RGL1: variants seen among roughly 807,000 people sequenced by gnomAD.
RGL1 encodes ral guanine nucleotide dissociation stimulator-like 1.
A neutral mutation model predicts 95.2 loss-of-function variants in RGL1; 24 were observed. The observed-to-expected ratio is 0.25, with a 90% CI of 0.18 to 0.35. RGL1 has a LOEUF of 0.35. Among genes scored for constraint, RGL1 ranks in the 10% least tolerant of loss-of-function variants. The pLI is 1.00. For synonymous variants in RGL1, 329 were observed against 344.9 expected (o/e 0.95, Z 0.51); for missense variants, 715 against 936.3 (o/e 0.76, Z 3.08).
At chr1:183,880,917 T>C (rs1247378092) in intron 5 of RGL1, 117 bp downstream of exon 5, 1 of 866,966 alleles carries the variant, frequency 1.2e-6, no homozygotes, top group Non-Finnish European at 1.7e-6. Context: ...CAAAACAACA[T>C]GCTGCTGGAG....
Position 183,642,886 on chromosome 1 carries a change from A to T in RGL1, c.-33+6385A>T, listed in dbSNP as rs920291201. Among the ~76,000 whole-genome samples, 5 of 152,242 alleles carry T rather than the reference A, an allele frequency of 3.3e-5. No individual in the cohort carries two copies. The South Asian group carries it at 6.2e-4, about 19-fold the overall frequency. The stretch of plus-strand genomic sequence containing the variant: ...ACATTGTTGTACAACTATTACCAAC[A>T]TCCATCTCCAGACCTCTTTTCATCT... On this transcript the variant is annotated intron_variant, in intron 1 of 18. Transcript: ENST00000304685.
chr1:183,715,494 T>G (rs1655557029), intron 1 of RGL1, among the ~76,000 whole-genome samples: 1 of 114,468 alleles, frequency 8.7e-6, no homozygotes, highest in South Asian at 3.0e-4. Flanking sequence ...TTTGTTTCTT[T>G]TAGGTGTAAG....
At chr1:183,877,066 G>A (rs931888445) in intron 4 of RGL1, among the ~76,000 whole-genome samples, 2 of 152,134 alleles carry the variant, frequency 1.3e-5, no homozygotes, top group Non-Finnish European at 2.9e-5. Context: ...CAGAGAGGGG[G>A]GTCAGTGGAG....
rs61759898 is a variant in RGL1 at position 183,916,507 on chromosome 1, A to T, written c.1810A>T (p.Met604Leu). Residue 604 changes from methionine (M) to leucine (L), a missense_variant, in exon 16 of 18, where the codon ATG becomes TTG. This residue lies in a region of RGL1 where 330 missense variants were observed against 429.6 expected (regional missense o/e 0.77). Coordinates refer to ENST00000360851, the MANE Select transcript of RGL1 (RefSeq NM_001297671.3). ...IHSMDTNSSG[M>L]SSLINPLSSP... The stretch of plus-strand genomic sequence containing the variant: ...TTCCATGGACACAAATTCCTCAGGG[A>T]TGTCTTCCTTAATCAACCCCCTCTC... The T allele has an allele frequency of 2.5e-6, 4 of 1,612,664 alleles. No homozygotes were observed. Among genetic ancestry groups the T allele is most frequent in the East Asian group, 2.2e-5 (1 of 44,766 alleles).
intron 2 of RGL1, among the ~76,000 whole-genome samples, chr1:183,824,970 C>A (rs1157658993): frequency 4.6e-5 from 7 of 152,148 alleles, no homozygotes; most frequent in African/African-American, 1.2e-4. Flanking sequence ...TATGTCTGGA[C>A]TAATAGTTAT....
chr1:183,695,255 A>C (rs1654187755), intron 1 of RGL1, among the ~76,000 whole-genome samples: 1 of 152,168 alleles, frequency 6.6e-6, no homozygotes, highest in African/African-American at 2.4e-5. Flanking sequence ...CTATTATTTT[A>C]GATTCTTTTT....
chr1:183,805,251 A>G lies in RGL1; in HGVS notation c.-47A>G. On this transcript the variant is annotated 5_prime_UTR_variant, in exon 1 of 18. Transcript: ENST00000360851. Reference sequence around the variant, plus strand: ...CCAGCAGACATTGCGTTGGCCTCCGAGCAGGGCGCATCATGCAGCGTTCGC... The same window carrying G: ...CCAGCAGACATTGCGTTGGCCTCCGGGCAGGGCGCATCATGCAGCGTTCGC... The G allele has an allele frequency of 1.9e-6, 3 of 1,606,894 alleles. No individual in the cohort carries two copies. Among genetic ancestry groups the G allele is most frequent in the Non-Finnish European group, 2.5e-6 (3 of 1,177,266 alleles).
chr1:183,780,327 G>A (rs1659832619), intron 2 of RGL1, among the ~76,000 whole-genome samples: 1 of 152,178 alleles, frequency 6.6e-6, no homozygotes, highest in African/African-American at 2.4e-5. Flanking sequence ...TACAGGATGT[G>A]GCCATAAAGT....
chr1:183,712,068 A>G (rs1655315118), intron 1 of RGL1, among the ~76,000 whole-genome samples: 1 of 152,186 alleles, frequency 6.6e-6, no homozygotes, highest in Admixed American at 6.5e-5. Flanking sequence ...AAATTTGAAG[A>G]GCCATGGAAA....
intron 1 of RGL1, among the ~76,000 whole-genome samples, chr1:183,659,385 A>G (rs1651441185): frequency 6.6e-6 from 1 of 152,266 alleles, no homozygotes; most frequent in Admixed American, 6.5e-5. Context: ...GCTGAAAGCC[A>G]AGGCTCGAGA....
At chr1:183,664,863 C>A (rs1242467193) in intron 1 of RGL1, among the ~76,000 whole-genome samples, 1 of 150,142 alleles carries the variant, frequency 6.7e-6, no homozygotes, top group South Asian at 2.1e-4. Context: ...TCCTTTCCAA[C>A]CTGTATACTT....
chr1:183,879,859 T>C (rs1177888477), intron 4 of RGL1, among the ~76,000 whole-genome samples: 1 of 152,242 alleles, frequency 6.6e-6, no homozygotes, highest in Non-Finnish European at 1.5e-5. Context: ...ACTAACATAC[T>C]GGAGGGAGCT....
intron 2 of RGL1, among the ~76,000 whole-genome samples, chr1:183,795,468 G>A (rs1021528418): frequency 6.6e-6 from 1 of 152,212 alleles, no homozygotes; most frequent in East Asian, 1.9e-4. Flanking sequence ...AACAGGGAAG[G>A]ATGTCCCAAA....
chr1:183,793,316 C>T (rs113123423), intron 2 of RGL1, among the ~76,000 whole-genome samples: 27 of 152,198 alleles, frequency 1.8e-4, no homozygotes, highest in Non-Finnish European at 3.4e-4. Flanking sequence ...AACATAATTC[C>T]TAAGACTATA....
At chr1:183,912,054 A>C (rs1376858330) in intron 14 of RGL1, 28 bp from the exon 15 acceptor site, 1 of 1,603,078 alleles carries the variant, frequency 6.2e-7, no homozygotes, top group East Asian at 2.2e-5. Context: ...GTAACAGCCC[A>C]AATGCTTGGC....
At chr1:183,716,717 A>G (rs1326155266) in intron 1 of RGL1, among the ~76,000 whole-genome samples, 1 of 152,204 alleles carries the variant, frequency 6.6e-6, no homozygotes, top group East Asian at 1.9e-4. Flanking sequence ...TGAATTCTGG[A>G]ATTGGCTTTC....
intron 1 of RGL1, among the ~76,000 whole-genome samples, chr1:183,735,686 A>G (rs893306382): frequency 3.3e-5 from 5 of 152,178 alleles, no homozygotes; most frequent in African/African-American, 1.2e-4. Context: ...CTTCAAACAC[A>G]AGCAACATTT....
chr1:183,715,591 C>T (rs1171026146), intron 1 of RGL1, among the ~76,000 whole-genome samples: 1 of 152,092 alleles, frequency 6.6e-6, no homozygotes, highest in Non-Finnish European at 1.5e-5. Context: ...CACATAACAC[C>T]AAGTAACTAA....
intron 1 of RGL1, among the ~76,000 whole-genome samples, chr1:183,690,682 G>A (rs185040396): frequency 6.6e-6 from 1 of 151,938 alleles, no homozygotes; most frequent in African/African-American, 2.4e-5. Flanking sequence ...TAATTCAAAG[G>A]CAGAAATAAT....
Sources: gnomAD v4.1 joint callset for allele counts (sites outside exome capture counted in the v4.1 genomes callset) on GRCh38, gnomAD v4.1.1 for gene constraint, gnomAD v4.1.1 regional missense constraint, MANE v1.5 for transcripts, NCBI Gene and HGNC (gene_info 2026-07-23, HGNC 2026-07-21) for gene names.